Variants in CIAPIN1 observed in about 807,000 individuals in gnomAD.
CIAPIN1 encodes cytokine induced apoptosis inhibitor 1.
Under a neutral mutation model 34.3 loss-of-function variants are expected in CIAPIN1, and 18 were observed. The ratio of observed to expected loss-of-function variants is 0.52; its 90% confidence interval spans 0.36 to 0.78. The LOEUF (loss-of-function observed/expected upper bound fraction) is 0.78. CIAPIN1 is among the 30% of genes least tolerant of loss of function. The pLI, the probability that CIAPIN1 is intolerant of heterozygous loss-of-function variation, is 0.00. For synonymous variants in CIAPIN1, 131 were observed against 140.4 expected (o/e 0.93, Z 0.47); for missense variants, 310 against 372.5 (o/e 0.83, Z 1.38).
chr16:57,430,199 G>A (rs1376623606), intron 8 of CIAPIN1, 59 bp downstream of exon 8: 2 of 1,419,150 alleles, frequency 1.4e-6, no homozygotes, highest in African/African-American at 1.4e-5. Context: ...GTTTAGTTTA[G>A]AAGAAGGTCT....
At chr16:57,433,523 C>CTG (rs147834361) in intron 5 of CIAPIN1, 74,099 of 155,982 alleles carry the variant, frequency 0.48, 18,463 homozygotes, top group East Asian at 0.58. Flanking sequence ...GAGGATGGAG[C>CTG]TGTGTGTGTG....
chr16:57,430,219 G>A, intron 8 of CIAPIN1, 39 bp downstream of exon 8: 1 of 1,559,690 alleles, frequency 6.4e-7, no homozygotes, highest in Admixed American at 1.7e-5. Flanking sequence ...TAATCCCCCT[G>A]GGGGTTTGTG....
intron 1 of CIAPIN1, among the ~76,000 whole-genome samples, chr16:57,445,636 G>C (rs925359325): frequency 6.4e-4 from 97 of 152,262 alleles, no homozygotes; most frequent in African/African-American, 2.2e-3. Flanking sequence ...TGCAATCCAA[G>C]TCAGCCATTG....
intron 3 of CIAPIN1, among the ~76,000 whole-genome samples, chr16:57,437,413 G>GT (rs565737617): frequency 5.3e-5 from 8 of 152,144 alleles, no homozygotes; most frequent in Admixed American, 5.2e-4. Flanking sequence ...TGTTTAGTAG[G>GT]TTAGATGAAT....
chr16:57,441,175 A>G lies in CIAPIN1; in HGVS notation c.-55-192T>C, dbSNP rs565563874. The G allele has an allele frequency of 3.8e-5, 12 of 313,196 alleles. No homozygotes were observed. In the East Asian group the frequency reaches 4.8e-4, roughly 13 times the overall value. The allele number at this position is 313,196 out of a possible 1,614,324, so 19.4% of individuals were successfully genotyped here. A position where few individuals can be genotyped will look rare whatever the true frequency, so the allele number is the denominator to read the frequency against. ...AGCCCAACATTCCCAAAGAAGGCAG[A>G]TAGCTTCCTTGGTGAGAATCCTGAC... is the stretch of plus-strand genomic sequence containing the variant. On this transcript the variant is annotated intron_variant, in intron 1 of 8. Transcript: ENST00000394391.
In CIAPIN1 at chr16:57,434,203, C is replaced by A. The variant is rs761909212; in HGVS notation, c.397G>T (p.Glu133Ter). The part of the protein sequence containing the change: ...GLVEVKELQR[E>*]PLTPEEVQSV... ...TGTACTTCCTCAGGGGTTAGGGGCT[C>A]CCGCTGCAGCTAGAATTCAAGACAT... The change falls in exon 5 of 9, where the codon GAG (glutamate) becomes TAG (stop). Residue 133 changes from glutamate (E) to a stop codon, truncating the protein, a stop_gained. Coordinates refer to ENST00000394391, the MANE Select transcript of CIAPIN1 (RefSeq NM_020313.4). LOFTEE classifies it high-confidence loss of function. 10 of 1,613,828 alleles carry A rather than the reference C, an allele frequency of 6.2e-6. No individual in the cohort carries two copies. The highest frequency in any genetic ancestry group is 1.7e-5 in the Admixed American group (1 of 59,992).
intron 1 of CIAPIN1, among the ~76,000 whole-genome samples, chr16:57,445,900 C>G (rs1567575382): frequency 8.4e-6 from 1 of 118,574 alleles, no homozygotes; most frequent in Non-Finnish European, 1.6e-5. Flanking sequence ...GGCTGGAGTG[C>G]AATGGCACAA....
chr16:57,442,278 G>A (rs572665445), intron 1 of CIAPIN1, among the ~76,000 whole-genome samples: 1 of 152,262 alleles, frequency 6.6e-6, no homozygotes, highest in Admixed American at 6.5e-5. Context: ...CCTGGGAGAT[G>A]GAGGTTGCAG....
intron 1 of CIAPIN1, among the ~76,000 whole-genome samples, chr16:57,446,257 G>C (rs1395754284): frequency 6.6e-6 from 1 of 152,182 alleles, no homozygotes; most frequent in East Asian, 1.9e-4. Flanking sequence ...CACAGGAAAG[G>C]CTCATTCAAA....
intron 1 of CIAPIN1, among the ~76,000 whole-genome samples, chr16:57,441,973 T>C (rs1378816851): frequency 3.9e-5 from 6 of 152,176 alleles, no homozygotes; most frequent in Non-Finnish European, 8.8e-5. Flanking sequence ...TCTGCAGAGG[T>C]GGCCAACTCA....
At chr16:57,431,395 G>C (rs1241788331) in intron 6 of CIAPIN1, 129 bp from the exon 7 acceptor site, 3 of 582,948 alleles carry the variant, frequency 5.1e-6, no homozygotes, top group African/African-American at 1.9e-5. Flanking sequence ...TCCTCCTTTT[G>C]GTTGATCATC....
At chr16:57,433,792 T>C in intron 5 of CIAPIN1, 1 of 394,150 alleles carries the variant, frequency 2.5e-6, no homozygotes, top group Non-Finnish European at 4.8e-6. Context: ...CTCAGTCCTG[T>C]AAAATTAGGA....
intron 7 of CIAPIN1, 117 bp downstream of exon 7, chr16:57,431,034 C>G: frequency 1.7e-6 from 1 of 591,314 alleles, no homozygotes; most frequent in African/African-American, 1.9e-5. Flanking sequence ...CAGAGATGGT[C>G]TCCCTGTGTT....
At chr16:57,445,570 A>G (rs1455843779) in intron 1 of CIAPIN1, among the ~76,000 whole-genome samples, 1 of 152,184 alleles carries the variant, frequency 6.6e-6, no homozygotes, top group African/African-American at 2.4e-5. Context: ...GTGCACATAC[A>G]TGTCACTGCC....
At chr16:57,432,447 C>T (rs765483247) in intron 6 of CIAPIN1, 40 bp downstream of exon 6, 1 of 1,590,200 alleles carries the variant, frequency 6.3e-7, no homozygotes, top group Non-Finnish European at 8.6e-7. Flanking sequence ...CAAACTGGGG[C>T]CTGAAAGAAA....
At chr16:57,435,331 A>G (rs901623869) in intron 4 of CIAPIN1, among the ~76,000 whole-genome samples, 2 of 152,240 alleles carry the variant, frequency 1.3e-5, no homozygotes, top group Non-Finnish European at 1.5e-5. Context: ...TACAGTCTGC[A>G]GAACAGTGAG....
chr16:57,433,823 CAGA>C, intron 5 of CIAPIN1: 1 of 438,142 alleles, frequency 2.3e-6, no homozygotes, highest in Non-Finnish European at 4.2e-6. Flanking sequence ...TCTTCTGGTG[CAGA>C]AGAAGGAGCT....
Position 57,429,782 on chromosome 16 carries a change from G to A in CIAPIN1, c.828+476C>T, listed in dbSNP as rs879340326. ...GCTGGGATTACAGGCGTGAGCCACCGCACCCGGCCTTTTTTTTTTTTTGAG... is the reference window on the plus strand; with the variant it reads ...GCTGGGATTACAGGCGTGAGCCACCACACCCGGCCTTTTTTTTTTTTTGAG... On this transcript the variant is annotated intron_variant, in intron 8 of 8. Transcript: ENST00000394391. Among the ~76,000 whole-genome samples the A allele has an allele frequency of 1.5e-3, 202 of 136,244 alleles. 2 individuals carry two copies. The highest frequency in any genetic ancestry group is 0.013 in the East Asian group (59 of 4,392). The allele number at this position is 136,244 out of a possible 152,430, so 89.4% of individuals were successfully genotyped here.
chr16:57,442,338 C>T (rs1205385035), intron 1 of CIAPIN1, among the ~76,000 whole-genome samples: 1 of 151,628 alleles, frequency 6.6e-6, no homozygotes. Context: ...GAGCGAGACT[C>T]CGTCTCAAAA....
Sources: allele counts gnomAD v4.1 joint callset (sites outside exome capture counted in the v4.1 genomes callset), GRCh38; gene constraint gnomAD v4.1.1; transcripts MANE v1.5; gene names NCBI Gene and HGNC (gene_info 2026-07-23, HGNC 2026-07-21).